The following PELI1 variants were observed in gnomAD, a reference collection of about 807,000 sequenced individuals.
PELI1 encodes E3 ubiquitin-protein ligase pellino homolog 1.
PELI1 carries 15 observed loss-of-function variants against 41.3 expected under a neutral mutation model. The observed-to-expected ratio is 0.36, with a 90% CI of 0.24 to 0.56. The LOEUF (loss-of-function observed/expected upper bound fraction) is 0.56. Among genes scored for constraint, PELI1 ranks in the 20% least tolerant of loss-of-function variants. PELI1 has a pLI of 0.82. For synonymous variants in PELI1, 178 were observed against 180.1 expected (o/e 0.99, Z 0.09); for missense variants, 403 against 525.5 (o/e 0.77, Z 2.28).
At chr2:64,143,851 G>T (rs1487669034) in intron 1 of PELI1, among the ~76,000 whole-genome samples, 1 of 151,770 alleles carries the variant, frequency 6.6e-6, no homozygotes, top group South Asian at 2.1e-4. Flanking sequence ...CCGGGCGGAG[G>T]GGGAGGCCGC....
intron 1 of PELI1, among the ~76,000 whole-genome samples, chr2:64,111,231 C>T (rs1422721135): frequency 6.6e-6 from 1 of 152,050 alleles, no homozygotes; most frequent in African/African-American, 2.4e-5. Context: ...TTCTACAGTA[C>T]AATGAAATAC....
At chr2:64,135,027 C>T (rs564244138) in intron 1 of PELI1, among the ~76,000 whole-genome samples, 7 of 152,100 alleles carry the variant, frequency 4.6e-5, no homozygotes, top group African/African-American at 1.4e-4. Flanking sequence ...TTATCTTTTC[C>T]TCTTGACTGT....
chr2:64,118,695 A>G (rs1681102345), intron 1 of PELI1, among the ~76,000 whole-genome samples: 1 of 152,232 alleles, frequency 6.6e-6, no homozygotes, highest in South Asian at 2.1e-4. Flanking sequence ...AAATCTCTAC[A>G]AAGTATGACT....
In PELI1 at chr2:64,093,950, TA is replaced by T. The variant is rs2103651872; in HGVS notation, c.*751del. 6.5e-6 allele frequency: 1 copy of T among 152,766 alleles called. No individual in the cohort carries two copies. The highest frequency in any genetic ancestry group is 6.5e-5 in the Admixed American group (1 of 15,308). The allele number at this position is 152,766 out of a possible 1,614,324, so 9.5% of individuals were successfully genotyped here. On this transcript the variant is annotated 3_prime_UTR_variant, in exon 7 of 7. Coordinates refer to ENST00000358912, the MANE Select transcript of PELI1 (RefSeq NM_020651.4). ...TAAATTGCATATCCAAAGGAGCATA[TA>T]AAATGTTTCTTAGCATTAAGTTTTT...
rs545708883 is a variant in PELI1 at position 64,111,617 on chromosome 2, C to T, written c.-69-3238G>A. Among the ~76,000 whole-genome samples, 4 of 152,244 alleles carry T rather than the reference C, an allele frequency of 2.6e-5. No homozygotes were observed. The South Asian group carries it at 8.3e-4, about 32-fold the overall frequency. On this transcript the variant is annotated intron_variant, in intron 1 of 6. Coordinates refer to ENST00000358912, the MANE Select transcript of PELI1 (RefSeq NM_020651.4). ...CTATTTCACCATAACTGTGATACAT[C>T]TGAGTTGTGAGGCAATCAGATTCCT...
rs1452594817 is a variant in PELI1 at position 64,100,380 on chromosome 2, T to G, written c.303+18A>C. 7 of 1,299,202 alleles carry G rather than the reference T, an allele frequency of 5.4e-6. No individual in the cohort carries two copies. In the East Asian group the frequency reaches 1.4e-4, roughly 26 times the overall value. The allele number at this position is 1,299,202 out of a possible 1,614,324, so 80.5% of individuals were successfully genotyped here. ...CTTTTTCGTTTCTTAAGAAAAAAAA[T>G]TTAAGATGTTGTAATACCTGAAACA... On this transcript the variant is annotated intron_variant, in intron 4 of 6. Coordinates refer to ENST00000358912, the MANE Select transcript of PELI1 (RefSeq NM_020651.4).
chr2:64,104,950 T>A (rs1680573401), intron 2 of PELI1, 120 bp from the exon 3 acceptor site: 8 of 764,788 alleles, frequency 1.0e-5, no homozygotes, highest in African/African-American at 1.8e-5. Flanking sequence ...ACATTATAAT[T>A]ATTTAAAATT....
intron 1 of PELI1, among the ~76,000 whole-genome samples, chr2:64,130,852 G>T (rs1041974417): frequency 2.0e-5 from 3 of 152,102 alleles, no homozygotes; most frequent in Non-Finnish European, 4.4e-5. Context: ...GGAAATAGAA[G>T]AATCTATCTA....
intron 1 of PELI1, 106 bp downstream of exon 1, chr2:64,143,975 T>TA (rs1553360643): frequency 6.6e-6 from 1 of 151,110 alleles, no homozygotes; most frequent in Non-Finnish European, 1.5e-5. Flanking sequence ...GAGAGCCGGC[T>TA]GCTGGCCGCC....
intron 1 of PELI1, among the ~76,000 whole-genome samples, chr2:64,134,557 T>C (rs889288131): frequency 6.6e-6 from 1 of 152,216 alleles, no homozygotes; most frequent in Non-Finnish European, 1.5e-5. Flanking sequence ...TTACAAAAGA[T>C]ACGTATTTAA....
rs1558468132 is a variant in PELI1, at chr2:64,093,235, G to C, written c.*1467C>G. 2 of 152,548 alleles carry C rather than the reference G, an allele frequency of 1.3e-5. No individual in the cohort carries two copies. The highest frequency in any genetic ancestry group is 4.8e-5 in the African/African-American group (2 of 41,432). 9.4% of individuals were successfully genotyped at this position (152,548 alleles called of 1,614,324 possible). A position where few individuals can be genotyped will look rare whatever the true frequency, so the allele number is the denominator to read the frequency against. On this transcript the variant is annotated 3_prime_UTR_variant, in exon 7 of 7. Coordinates refer to ENST00000358912, the MANE Select transcript of PELI1 (RefSeq NM_020651.4). ...AAAAACCAAAAGAAAATTCAGAACA[G>C]TTTTGTAATAGGATAAATTAAAGGT...
chr2:64,100,593 TACATG>T (rs1196223631), intron 3 of PELI1, 94 bp from the exon 4 acceptor site: 6 of 745,968 alleles, frequency 8.0e-6, no homozygotes, highest in African/African-American at 5.3e-5. Flanking sequence ...ATTTATCAAA[TACATG>T]ACATATTTAT....
rs1680096359 is a variant in PELI1 at position 64,092,675 on chromosome 2, C to CAAA, written c.*2026_*2027insTTT. The CAAA allele has an allele frequency of 6.6e-6, 1 of 152,100 alleles. No individual in the cohort carries two copies. The highest frequency in any genetic ancestry group is 2.1e-4 in the South Asian group (1 of 4,822). 9.4% of individuals were successfully genotyped at this position (152,100 alleles called of 1,614,324 possible). On this transcript the variant is annotated 3_prime_UTR_variant, in exon 7 of 7. Transcript: ENST00000358912. ...AATTATTCAACCACTAACAAAGTTC[C>CAAA]TTTATTAGTAAGAGATGCTTTTAAA...
At chr2:64,102,162 A>G (rs112484093) in intron 3 of PELI1, among the ~76,000 whole-genome samples, 6,299 of 152,088 alleles carry the variant, frequency 0.041, 145 homozygotes, top group African/African-American at 0.075. Flanking sequence ...CTACAGATAC[A>G]ATTGAGGCTG....
chr2:64,123,237 A>G lies in PELI1; in HGVS notation c.-69-14858T>C, dbSNP rs141790439. On this transcript the variant is annotated intron_variant, in intron 1 of 6. Transcript: ENST00000358912. ...ACAAAAATTTAATGAAAGGCATACCATGGAGATTTGTTTCTTTTTGCTCAC... is the reference window on the plus strand; with the variant it reads ...ACAAAAATTTAATGAAAGGCATACCGTGGAGATTTGTTTCTTTTTGCTCAC... Among the ~76,000 whole-genome samples the G allele has an allele frequency of 4.6e-3, 704 of 152,352 alleles. 1 individual carries two copies. Among genetic ancestry groups the G allele is most frequent in the Middle Eastern group, 0.037 (11 of 294 alleles).
chr2:64,135,163 T>TA (rs1163897362), intron 1 of PELI1, among the ~76,000 whole-genome samples: 5 of 152,100 alleles, frequency 3.3e-5, no homozygotes, highest in Non-Finnish European at 5.9e-5. Context: ...GAGCTGAAAA[T>TA]AGTTTTTGAA....
intron 5 of PELI1, 46 bp from the exon 6 acceptor site, chr2:64,096,359 T>C (rs563085148): frequency 6.2e-7 from 1 of 1,600,082 alleles, no homozygotes; most frequent in South Asian, 1.1e-5. Flanking sequence ...AACTTGTAAC[T>C]TGGAATGAAA....
At chr2:64,095,313 G>T in intron 6 of PELI1, 45 bp from the exon 7 acceptor site, 1 of 1,383,870 alleles carries the variant, frequency 7.2e-7, no homozygotes, top group Non-Finnish European at 1.0e-6. Context: ...ACTCTGTTTT[G>T]GATTTTTACA....
At chr2:64,141,177 A>G (rs1681901049) in intron 1 of PELI1, among the ~76,000 whole-genome samples, 1 of 152,158 alleles carries the variant, frequency 6.6e-6, no homozygotes, top group African/African-American at 2.4e-5. Context: ...TTTACATTGT[A>G]TTATTTAAAA....
Sources: allele counts gnomAD v4.1 joint callset (sites outside exome capture counted in the v4.1 genomes callset), GRCh38; gene constraint gnomAD v4.1.1; transcripts MANE v1.5; gene names NCBI Gene and HGNC (gene_info 2026-07-23, HGNC 2026-07-21).